The following ZNF519 variants were observed in gnomAD, a reference collection of about 807,000 sequenced individuals.
ZNF519 encodes the protein similar to Zinc finger protein 85 (Zinc finger protein HPF4) (HTF1).
A neutral mutation model predicts 7.4 loss-of-function variants in ZNF519; 7 were observed. That is an observed-to-expected ratio of 0.94 (90% CI 0.54 to 1.77). The LOEUF is 1.77. Among genes scored for constraint, ZNF519 ranks in the 40% most tolerant of loss-of-function variants. ZNF519 has a pLI of 0.00. For missense variants in ZNF519, 586 were observed against 623.1 expected, an observed-to-expected ratio of 0.94 and a Z score of 0.63; for synonymous variants, 179 against 203.3, an observed-to-expected ratio of 0.88 and a Z score of 1.02.
intron 3 of ZNF519, among the ~76,000 whole-genome samples, chr18:14,083,157 C>T (rs976566081): frequency 6.6e-6 from 1 of 152,064 alleles, no homozygotes; most frequent in Non-Finnish European, 1.5e-5. Context: ...TAAGACCAGC[C>T]TGGCCAACAA....
At chr18:14,072,914 C>T (rs2046033416), downstream of ZNF519, 1 of 152,118 alleles carries the variant, frequency 6.6e-6, no homozygotes, top group Non-Finnish European at 1.5e-5. Flanking sequence ...GTGAAAACAC[C>T]CTCTGTGAAG....
chr18:14,112,781 CA>C (rs1162154462), intron 2 of ZNF519, among the ~76,000 whole-genome samples: 2 of 152,024 alleles, frequency 1.3e-5, no homozygotes, highest in Admixed American at 1.3e-4. Flanking sequence ...TTTAAAAAGA[CA>C]AAAAAGAAAA....
chr18:14,105,184 T>C lies in ZNF519; in HGVS notation c.1356A>G (p.Arg452=), dbSNP rs990583828. 2 of 1,571,544 alleles carry C rather than the reference T, an allele frequency of 1.3e-6. No homozygotes were observed. Among genetic ancestry groups the C allele is most frequent in the Non-Finnish European group, 1.7e-6 (2 of 1,145,426 alleles). ...TGAAAGACTTCTCTCCAGTATGGATTCTTTGATGTCGAGTAAGGTGTGAGC... is the reference window on the plus strand; with the variant it reads ...TGAAAGACTTCTCTCCAGTATGGATCCTTTGATGTCGAGTAAGGTGTGAGC... ...NRGSHLTRHQ[R]IHTGEKSFKC... Residue 452 remains arginine (R), a synonymous_variant, in exon 3 of 3, where the codon AGA becomes AGG. Coordinates refer to ENST00000590202, the MANE Select transcript of ZNF519 (RefSeq NM_145287.4).
At chr18:14,130,491 CA>C (rs1467818127) in intron 1 of ZNF519, among the ~76,000 whole-genome samples, 1 of 152,020 alleles carries the variant, frequency 6.6e-6, no homozygotes, top group African/African-American at 2.4e-5. Context: ...CAAATCTATA[CA>C]GGGGGACAAA....
At chr18:14,111,973 C>T (rs1336899045) in intron 2 of ZNF519, among the ~76,000 whole-genome samples, 1 of 152,112 alleles carries the variant, frequency 6.6e-6, no homozygotes, top group African/African-American at 2.4e-5. Flanking sequence ...TCAAAAAAAT[C>T]TATAGGCCAA....
At chr18:14,080,106 A>T (rs1245241065) in intron 3 of ZNF519, 1 of 152,140 alleles carries the variant, frequency 6.6e-6, no homozygotes, top group Non-Finnish European at 1.5e-5. Context: ...CACACAGATG[A>T]CAAAGAGGCA....
intron 2 of ZNF519, among the ~76,000 whole-genome samples, chr18:14,114,622 A>G (rs1598519324): frequency 6.6e-6 from 1 of 152,232 alleles, no homozygotes; most frequent in Middle Eastern, 3.4e-3. Flanking sequence ...CAGTTCATGG[A>G]GGGAGAGAGC....
downstream of ZNF519, among the ~76,000 whole-genome samples, chr18:14,095,051 T>C (rs1459064259): frequency 2.0e-5 from 3 of 152,200 alleles, no homozygotes; most frequent in African/African-American, 7.2e-5. Context: ...TGGTGCCTTG[T>C]CCATTTGGTG....
rs551450242 is a variant in ZNF519 at position 14,094,323 on chromosome 18, T to C, written c.131-9247A>G. Reference sequence around the variant, plus strand: ...TCTGTCTAGGACTTCTAGTATTATATTGCATAAAAGTGGTAAACATCGGTA... The same window carrying C: ...TCTGTCTAGGACTTCTAGTATTATACTGCATAAAAGTGGTAAACATCGGTA... On this transcript the variant is annotated intron_variant and NMD_transcript_variant, in intron 2 of 4. Transcript: ENST00000587419. Among the ~76,000 whole-genome samples the C allele has an allele frequency of 3.0e-4, 46 of 152,336 alleles. 1 individual carries two copies. Among genetic ancestry groups the C allele is most frequent in the Admixed American group, 2.7e-3 (41 of 15,310 alleles).
chr18:14,085,494 C>T (rs2046087022), intron 2 of ZNF519, among the ~76,000 whole-genome samples: 1 of 151,980 alleles, frequency 6.6e-6, no homozygotes, highest in Non-Finnish European at 1.5e-5. Context: ...GTGATCATCT[C>T]CCCCACAAAA....
chr18:14,098,050 A>G (rs1046101301), downstream of ZNF519, among the ~76,000 whole-genome samples: 8 of 151,918 alleles, frequency 5.3e-5, no homozygotes, highest in East Asian at 1.5e-3. Flanking sequence ...CCAATGATAG[A>G]CCCTCATACA....
intron 2 of ZNF519, among the ~76,000 whole-genome samples, chr18:14,117,496 T>C (rs567177264): frequency 6.6e-6 from 1 of 152,322 alleles, no homozygotes; most frequent in East Asian, 1.9e-4. Context: ...CTTCTGGGCA[T>C]CTAATCAAAA....
At chr18:14,124,801 A>T (rs1206758639) in intron 1 of ZNF519, among the ~76,000 whole-genome samples, 2 of 152,074 alleles carry the variant, frequency 1.3e-5, no homozygotes, top group Non-Finnish European at 2.9e-5. Flanking sequence ...CCCTGGCCTC[A>T]CTGCAGAATC....
chr18:14,130,589 C>A (rs1486203037), intron 1 of ZNF519, among the ~76,000 whole-genome samples: 6 of 151,868 alleles, frequency 4.0e-5, no homozygotes, highest in Non-Finnish European at 8.8e-5. Flanking sequence ...CTTTCTATCA[C>A]CCCCATACTC....
intron 1 of ZNF519, among the ~76,000 whole-genome samples, chr18:14,129,368 T>C (rs762808937): frequency 1.2e-4 from 18 of 152,038 alleles, no homozygotes; most frequent in Non-Finnish European, 2.4e-4. Context: ...AGATCAATTT[T>C]TAGTGGGTAT....
rs78585785 is a variant in ZNF519, at chr18:14,119,666, G to A, written c.130+4684C>T. ...AGACAGGGTGTCACTCTGTTGCCCA[G>A]GCTCACCTCAAACTGCTGGGCTCAA... On this transcript the variant is annotated intron_variant, in intron 2 of 2. Coordinates refer to ENST00000590202, the MANE Select transcript of ZNF519 (RefSeq NM_145287.4). Among the ~76,000 whole-genome samples the A allele has an allele frequency of 1.8e-3, 268 of 151,602 alleles. 2 individuals carry two copies. The highest frequency in any genetic ancestry group is 0.014 in the Middle Eastern group (4 of 294).
chr18:14,116,843 C>T (rs2046248311), intron 2 of ZNF519, among the ~76,000 whole-genome samples: 1 of 152,102 alleles, frequency 6.6e-6, no homozygotes, highest in African/African-American at 2.4e-5. Flanking sequence ...CCTGTCTCTA[C>T]TAAAAATATT....
chr18:14,109,820 A>G (rs1319940487), intron 2 of ZNF519, among the ~76,000 whole-genome samples: 1 of 152,154 alleles, frequency 6.6e-6, no homozygotes, highest in Non-Finnish European at 1.5e-5. Flanking sequence ...TCACAGAACT[A>G]TAAAAAACAA....
At chr18:14,077,020 C>T (rs1567936361) in exon 5 of ZNF519, 1 of 152,110 alleles carries the variant, frequency 6.6e-6, no homozygotes, top group Non-Finnish European at 1.5e-5. Context: ...GTTGTAGAAA[C>T]ACCTCTACTA....
Sources: gnomAD v4.1 joint callset for allele counts (sites outside exome capture counted in the v4.1 genomes callset) on GRCh38, gnomAD v4.1.1 for gene constraint, MANE v1.5 for transcripts, NCBI Gene and HGNC (gene_info 2026-07-23, HGNC 2026-07-21) for gene names.